The following CARMIL1 variants were observed in gnomAD, a reference collection of about 807,000 sequenced individuals.
CARMIL1 encodes capping protein regulator and myosin 1 linker 1.
In CARMIL1, 90 loss-of-function variants were observed where a neutral mutation model predicts 177.1. That is an observed-to-expected ratio of 0.51 (90% CI 0.43 to 0.61). CARMIL1 has a LOEUF of 0.61. CARMIL1 is among the 20% of genes least tolerant of loss of function. The probability of loss-of-function intolerance (pLI) is 0.00; values close to 1 mark genes in which losing one functional copy is unlikely to be tolerated. For missense variants in CARMIL1, 1,380 were observed against 1,667.0 expected (o/e 0.83, Z 3.00); for synonymous variants, 577 against 606.2 (o/e 0.95, Z 0.71).
intron 4 of CARMIL1, among the ~76,000 whole-genome samples, chr6:25,434,058 A>G (rs1797032088): frequency 6.6e-6 from 1 of 152,126 alleles, no homozygotes; most frequent in African/African-American, 2.4e-5. Context: ...AGAGGATTGC[A>G]TTTTATGGGA....
intron 2 of CARMIL1, among the ~76,000 whole-genome samples, chr6:25,300,270 A>G (rs746122442): frequency 1.3e-5 from 2 of 152,226 alleles, no homozygotes; most frequent in Non-Finnish European, 2.9e-5. Flanking sequence ...CCCACCACAT[A>G]GCAATTTGTC....
In CARMIL1 at chr6:25,284,848, T is replaced by A. The variant is rs781323786; in HGVS notation, c.77T>A (p.Ile26Asn). The part of the protein sequence containing the change: ...IKDVIGRKIK[I>N]SVKKKVKLEV... Reference sequence around the variant, plus strand: ...GATGTTATTGGCAGAAAGATAAAAATTTCAGTGAAGAAGAAAGTAAAGTTG... The same window carrying A: ...GATGTTATTGGCAGAAAGATAAAAAATTCAGTGAAGAAGAAAGTAAAGTTG... The change falls in exon 2 of 37, where the codon ATT becomes AAT. Residue 26 changes from isoleucine (I) to asparagine (N), a missense_variant. Ile to Asn is a moderately radical substitution (Grantham distance 149). Coordinates refer to ENST00000329474, the MANE Select transcript of CARMIL1 (RefSeq NM_017640.6). 2 of 1,571,204 alleles carry A rather than the reference T, an allele frequency of 1.3e-6. No homozygotes were observed. Among genetic ancestry groups the A allele is most frequent in the Non-Finnish European group, 1.7e-6 (2 of 1,155,966 alleles).
intron 12 of CARMIL1, 97 bp downstream of exon 12, chr6:25,482,440 A>T (rs554657429): frequency 1.4e-5 from 8 of 576,966 alleles, no homozygotes; most frequent in Admixed American, 7.4e-5. Context: ...AAAATACATT[A>T]AAAAAATACA....
Position 25,500,176 on chromosome 6 carries a change from T to C in CARMIL1, c.1336T>C (p.Leu446=), listed in dbSNP as rs371805264. 33 of 1,613,810 alleles carry C rather than the reference T, an allele frequency of 2.0e-5. No homozygotes were observed. Among genetic ancestry groups the C allele is most frequent in the South Asian group, 3.3e-5 (3 of 91,078 alleles). ...LSPEPLKALL[L]GLACNHNLKG... is the part of the protein sequence containing the mutation. Reference sequence around the variant, plus strand: ...GTTTCCTCCCCTCAGAGCACTGTTATTGGGCCTGGCTTGTAATCATAACTT... The same window carrying C: ...GTTTCCTCCCCTCAGAGCACTGTTACTGGGCCTGGCTTGTAATCATAACTT... The change falls in exon 17 of 37, where the codon TTG becomes CTG. Residue 446 remains leucine, a synonymous_variant. Transcript: ENST00000329474.
intron 17 of CARMIL1, among the ~76,000 whole-genome samples, chr6:25,504,892 C>T (rs1804759445): frequency 6.6e-6 from 1 of 152,108 alleles, no homozygotes; most frequent in Non-Finnish European, 1.5e-5. Context: ...GCCTTTGTTG[C>T]TCATCTATTG....
Position 25,326,449 on chromosome 6 carries a change from G to A in CARMIL1, c.138+41540G>A, listed in dbSNP as rs1450227248. ...ATCTGATATGTTTAAAATGATTACT[G>A]AGGCTTCTAAGTAGAGCATTACACT... On this transcript the variant is annotated intron_variant, in intron 2 of 36. Coordinates refer to ENST00000329474, the MANE Select transcript of CARMIL1 (RefSeq NM_017640.6). This position sits in a 1 kb window ranked among gnomAD's most constrained non-coding sequence, Gnocchi z 4.2. Among the ~76,000 whole-genome samples, 1 of 152,158 alleles carries A rather than the reference G, an allele frequency of 6.6e-6. No individual in the cohort carries two copies. The highest frequency in any genetic ancestry group is 1.5e-5 in the Non-Finnish European group (1 of 68,022).
intron 13 of CARMIL1, among the ~76,000 whole-genome samples, chr6:25,489,926 A>C (rs1427157385): frequency 2.0e-5 from 3 of 152,208 alleles, no homozygotes; most frequent in Non-Finnish European, 4.4e-5. Context: ...AGAAGAATAG[A>C]GGGAAGGATA....
chr6:25,469,682 T>G (rs1800931469), intron 9 of CARMIL1, among the ~76,000 whole-genome samples: 1 of 152,016 alleles, frequency 6.6e-6, no homozygotes, highest in Non-Finnish European at 1.5e-5. Context: ...CTTACCCTCC[T>G]GAGTAGCTGG....
intron 31 of CARMIL1, among the ~76,000 whole-genome samples, chr6:25,587,203 C>G (rs1461122466): frequency 2.0e-5 from 3 of 152,124 alleles, no homozygotes; most frequent in Non-Finnish European, 4.4e-5. Context: ...AAAACAAAAA[C>G]AAAGATTTTT....
rs186684236 is a variant in CARMIL1 at position 25,509,692 on chromosome 6, A to G, written c.1432A>G (p.Ile478Val). The stretch of plus-strand genomic sequence containing the variant: ...AGGTGCTCAAGTATTAGAAGGTTGC[A>G]TTGCTGAAATACACAACATCACCAG... The part of the protein sequence containing the change: ...SGGAQVLEGC[I>V]AEIHNITSLD... Residue 478 changes from isoleucine (I) to valine (V), a missense_variant, in exon 18 of 37, where the codon ATT (isoleucine) becomes GTT (valine). Transcript: ENST00000329474. The surrounding 1 kb of genome is among the most constrained non-coding windows in gnomAD (Gnocchi z 4.1). 6 of 1,604,072 alleles carry G rather than the reference A, an allele frequency of 3.7e-6. No homozygotes were observed. The highest frequency in any genetic ancestry group is 1.7e-5 in the Admixed American group (1 of 58,884).
chr6:25,357,207 TG>T (rs1788716187), intron 2 of CARMIL1, among the ~76,000 whole-genome samples: 1 of 152,164 alleles, frequency 6.6e-6, no homozygotes, highest in Non-Finnish European at 1.5e-5. Context: ...ACCACTTAGA[TG>T]GTTGTTGTCA....
intron 2 of CARMIL1, among the ~76,000 whole-genome samples, chr6:25,311,128 G>A (rs901628422): frequency 3.3e-5 from 5 of 152,138 alleles, no homozygotes; most frequent in Admixed American, 6.5e-5. Context: ...GTTGCAGTGA[G>A]CCAAGATCGT....
At chr6:25,373,250 G>A (rs1422148070) in intron 2 of CARMIL1, among the ~76,000 whole-genome samples, 1 of 151,694 alleles carries the variant, frequency 6.6e-6, no homozygotes, top group Non-Finnish European at 1.5e-5. Flanking sequence ...CCTGGTTTTG[G>A]TATCAGGGTG....
chr6:25,495,142 C>A lies in CARMIL1; in HGVS notation c.1252C>A (p.Gln418Lys). ...AAAAGAAGTACCTCCATCTTTCAAG[C>A]AATTTTTTAGTAGTTCTCTGGCTTT... Reference protein sequence around the residue: ...KGKEVPPSFKQFFSSSLALMH... With the variant: ...KGKEVPPSFKKFFSSSLALMH... The change falls in exon 16 of 37, where the codon CAA (glutamine) becomes AAA (lysine). Residue 418 changes from glutamine (Q) to lysine (K), a missense_variant. Coordinates refer to ENST00000329474, the MANE Select transcript of CARMIL1 (RefSeq NM_017640.6). 1.2e-6 allele frequency: 2 copies of A among 1,612,898 alleles called. No homozygotes were observed. Among genetic ancestry groups the A allele is most frequent in the Non-Finnish European group, 1.7e-6 (2 of 1,179,384 alleles).
At chr6:25,420,982 T>C (rs1441115670) in intron 3 of CARMIL1, among the ~76,000 whole-genome samples, 5 of 152,208 alleles carry the variant, frequency 3.3e-5, no homozygotes, top group Non-Finnish European at 5.9e-5. Context: ...ATAAGTCTTA[T>C]TATTATCCCC....
intron 2 of CARMIL1, among the ~76,000 whole-genome samples, chr6:25,349,725 ATTTTTTTTT>A (rs67971403): frequency 1.1e-5 from 1 of 93,538 alleles, no homozygotes; most frequent in Non-Finnish European, 2.1e-5. Flanking sequence ...CAGTCCCCTC[ATTTTTTTTT>A]TTTTTTTTTT....
In CARMIL1 at chr6:25,509,810, C is replaced by G; in HGVS notation, c.1477+73C>G. On this transcript the variant is annotated intron_variant, in intron 18 of 36. Transcript: ENST00000329474. The surrounding 1 kb of genome is among the most constrained non-coding windows in gnomAD (Gnocchi z 4.1). ...AAGTTAATAAGGGGAAAATAATCTT[C>G]TACCCAAATCCAAACAATAGCTTAA... 9.4e-7 allele frequency: 1 copy of G among 1,065,610 alleles called. No individual in the cohort carries two copies. The highest frequency in any genetic ancestry group is 1.4e-6 in the Non-Finnish European group (1 of 721,544). The allele number at this position is 1,065,610 out of a possible 1,614,324, so 66.0% of individuals were successfully genotyped here.
chr6:25,298,573 A>C (rs578088551), intron 2 of CARMIL1, among the ~76,000 whole-genome samples: 1 of 152,190 alleles, frequency 6.6e-6, no homozygotes, highest in African/African-American at 2.4e-5. Context: ...GCAGATCTGC[A>C]TGTATTTAGA....
intron 2 of CARMIL1, among the ~76,000 whole-genome samples, chr6:25,406,972 C>T (rs6937741): frequency 0.011 from 1,713 of 151,958 alleles, 29 homozygotes; most frequent in African/African-American, 0.037. Context: ...CCACAGAGGC[C>T]AGTTGAAAAT....
Sources: gnomAD v4.1 joint callset for allele counts (sites outside exome capture counted in the v4.1 genomes callset) on GRCh38, gnomAD v4.1.1 for gene constraint, Gnocchi (gnomAD v3.1) non-coding constraint, MANE v1.5 for transcripts, NCBI Gene and HGNC (gene_info 2026-07-23, HGNC 2026-07-21) for gene names.